TTC27: variants seen among roughly 807,000 people sequenced by gnomAD.
TTC27 encodes tetratricopeptide repeat domain 27.
TTC27 carries 79 observed loss-of-function variants against 115.9 expected under a neutral mutation model. That is an observed-to-expected ratio of 0.68 (90% CI 0.57 to 0.82). TTC27 has a LOEUF of 0.82. TTC27 is among the 40% of genes least tolerant of loss of function. The probability of loss-of-function intolerance (pLI) is 0.00; values close to 1 mark genes in which losing one functional copy is unlikely to be tolerated. For missense variants in TTC27, 1,054 were observed against 993.1 expected (o/e 1.06, Z -0.82); for synonymous variants, 401 against 356.0 (o/e 1.13, Z -1.42).
intron 3 of TTC27, among the ~76,000 whole-genome samples, chr2:32,634,635 T>G (rs1340526315): frequency 6.6e-6 from 1 of 151,426 alleles, no homozygotes; most frequent in Non-Finnish European, 1.5e-5. Context: ...TAATTTTATT[T>G]CAGGTAAGTT....
At position 32,781,069 on chromosome 2, in the gene TTC27, G is replaced by A. The variant is rs373689381; in HGVS notation, c.1780-1557G>A. 5.9e-5 allele frequency among the ~76,000 whole-genome samples: 9 copies of A among 152,266 alleles called. No homozygotes were observed. In the South Asian group the frequency reaches 6.2e-4, roughly 11 times the overall value. ...ATTGGCACTTACAGTAAGGGTTTGG[G>A]GAGCTGGCAAGCTTCCATTGATGAG... On this transcript the variant is annotated intron_variant, in intron 14 of 19. Coordinates refer to ENST00000317907, the MANE Select transcript of TTC27 (RefSeq NM_017735.5).
chr2:32,647,887 A>G (rs1664925947), intron 4 of TTC27, among the ~76,000 whole-genome samples: 1 of 151,968 alleles, frequency 6.6e-6, no homozygotes. Context: ...TCATATTTGC[A>G]GGTAACTAAA....
chr2:32,687,912 A>T (rs892960935), intron 9 of TTC27, among the ~76,000 whole-genome samples: 1 of 152,218 alleles, frequency 6.6e-6, no homozygotes, highest in Non-Finnish European at 1.5e-5. Context: ...GCAAACAGCA[A>T]GTAAATACAT....
chr2:32,793,824 G>T (rs1311448284), intron 16 of TTC27, among the ~76,000 whole-genome samples: 1 of 151,908 alleles, frequency 6.6e-6, no homozygotes, highest in East Asian at 1.9e-4. Flanking sequence ...TACCCGGCCT[G>T]TTACAATGTT....
chr2:32,741,205 A>G (rs1668623127), intron 12 of TTC27, among the ~76,000 whole-genome samples: 1 of 152,152 alleles, frequency 6.6e-6, no homozygotes, highest in African/African-American at 2.4e-5. Context: ...ATTGCTTTCT[A>G]CAGAGAGCCT....
chr2:32,776,381 T>C (rs956062768), intron 13 of TTC27, among the ~76,000 whole-genome samples: 1 of 152,204 alleles, frequency 6.6e-6, no homozygotes, highest in African/African-American at 2.4e-5. Context: ...CTACTCTGCC[T>C]CTATGGAAGG....
At chr2:32,664,264 C>A in intron 5 of TTC27, 39 bp from the exon 6 acceptor site, 1 of 1,536,656 alleles carries the variant, frequency 6.5e-7, no homozygotes, top group Non-Finnish European at 8.8e-7. Flanking sequence ...TATTTTTCTT[C>A]TCATCATAAC....
At chr2:32,714,551 T>C (rs1298544276) in intron 10 of TTC27, among the ~76,000 whole-genome samples, 1 of 152,202 alleles carries the variant, frequency 6.6e-6, no homozygotes, top group Non-Finnish European at 1.5e-5. Flanking sequence ...GTAATGAACA[T>C]ACACACACAT....
chr2:32,701,294 G>T (rs541377670), intron 9 of TTC27, among the ~76,000 whole-genome samples: 2 of 152,230 alleles, frequency 1.3e-5, no homozygotes, highest in South Asian at 4.2e-4. Flanking sequence ...CCATCTCCAA[G>T]TCCTCTTTTT....
intron 13 of TTC27, among the ~76,000 whole-genome samples, chr2:32,770,486 T>C (rs1403821040): frequency 2.0e-5 from 3 of 152,214 alleles, no homozygotes; most frequent in Admixed American, 6.5e-5. Flanking sequence ...GGTCAAGTTA[T>C]AAAAAGCCCT....
At position 32,786,972 on chromosome 2, in the gene TTC27, G is replaced by A. The variant is rs1670368685; in HGVS notation, c.1833-12G>A. The A allele has an allele frequency of 6.3e-7, 1 of 1,593,616 alleles. No homozygotes were observed. ...TTCATTATTGCTCTCTTTAAAATTT[G>A]ACCTTCAATAGAGTAAAAGCTTTTA... On this transcript the variant is annotated splice_polypyrimidine_tract_variant and intron_variant, in intron 15 of 19. Coordinates refer to ENST00000317907, the MANE Select transcript of TTC27 (RefSeq NM_017735.5).
chr2:32,819,248 A>G (rs1270288979), intron 19 of TTC27, among the ~76,000 whole-genome samples: 2 of 152,110 alleles, frequency 1.3e-5, no homozygotes, highest in African/African-American at 2.4e-5. Flanking sequence ...ACACCTTCCC[A>G]TATTATGGTA....
intron 9 of TTC27, among the ~76,000 whole-genome samples, chr2:32,684,966 A>G (rs1018110707): frequency 6.6e-6 from 1 of 150,614 alleles, no homozygotes; most frequent in African/African-American, 2.4e-5. Flanking sequence ...CAACAACTGC[A>G]AATACCTTCA....
At chr2:32,798,377 G>T (rs1347018665) in intron 16 of TTC27, among the ~76,000 whole-genome samples, 1 of 150,500 alleles carries the variant, frequency 6.6e-6, no homozygotes, top group Admixed American at 6.7e-5. Context: ...TCCAGCCTGG[G>T]CGACAGAGCG....
intron 10 of TTC27, among the ~76,000 whole-genome samples, chr2:32,709,974 A>G (rs1377172079): frequency 6.6e-6 from 1 of 152,186 alleles, no homozygotes; most frequent in Non-Finnish European, 1.5e-5. Flanking sequence ...TTATGGAAAA[A>G]GTTTAAGTGT....
At chr2:32,663,313 G>A (rs1256854612) in intron 5 of TTC27, among the ~76,000 whole-genome samples, 2 of 152,186 alleles carry the variant, frequency 1.3e-5, no homozygotes, top group African/African-American at 2.4e-5. Flanking sequence ...GTAGGCACCC[G>A]AGGGAATCTC....
At chr2:32,655,910 T>C (rs1183818843) in intron 5 of TTC27, among the ~76,000 whole-genome samples, 1 of 152,176 alleles carries the variant, frequency 6.6e-6, no homozygotes, top group Non-Finnish European at 1.5e-5. Context: ...GTAAAATAGA[T>C]GAAATTGCAA....
intron 13 of TTC27, among the ~76,000 whole-genome samples, chr2:32,775,799 G>T (rs1433999106): frequency 6.6e-6 from 1 of 152,064 alleles, no homozygotes; most frequent in East Asian, 1.9e-4. Flanking sequence ...ATGTTAAATG[G>T]TGGGGAAAAA....
intron 16 of TTC27, among the ~76,000 whole-genome samples, chr2:32,796,151 C>T (rs937044317): frequency 3.3e-5 from 5 of 152,110 alleles, no homozygotes; most frequent in African/African-American, 1.2e-4. Context: ...AGCTGCATTT[C>T]TGTACACTAA....
Sources: gnomAD v4.1 joint callset for allele counts (sites outside exome capture counted in the v4.1 genomes callset) on GRCh38, gnomAD v4.1.1 for gene constraint, MANE v1.5 for transcripts, NCBI Gene and HGNC (gene_info 2026-07-23, HGNC 2026-07-21) for gene names.